The following CARMIL1 variants were observed in gnomAD, a reference collection of about 807,000 sequenced individuals.
The protein encoded by CARMIL1 is F-actin-uncapping protein LRRC16A.
Under a neutral mutation model 177.1 loss-of-function variants are expected in CARMIL1, and 90 were observed. That is an observed-to-expected ratio of 0.51 (90% CI 0.43 to 0.61). The LOEUF is 0.61. Among genes scored for constraint, CARMIL1 ranks in the 20% least tolerant of loss-of-function variants. The pLI is 0.00. For missense variants in CARMIL1, 1,380 were observed against 1,667.0 expected, an observed-to-expected ratio of 0.83 and a Z score of 3.00; for synonymous variants, 577 against 606.2, an observed-to-expected ratio of 0.95 and a Z score of 0.71.
At chr6:25,580,884 GCTAC>G (rs934306211) in intron 29 of CARMIL1, 36 bp from the exon 30 acceptor site, 2 of 1,464,274 alleles carry the variant, frequency 1.4e-6, no homozygotes, top group Non-Finnish European at 1.9e-6. Flanking sequence ...GTTTTCTGTG[GCTAC>G]CTAAGTGTTT....
chr6:25,597,005 G>C lies in CARMIL1; in HGVS notation c.3119+2478G>C, dbSNP rs953205329. 2.0e-5 allele frequency among the ~76,000 whole-genome samples: 3 copies of C among 152,092 alleles called. No homozygotes were observed. In the South Asian group the frequency reaches 6.2e-4, roughly 32 times the overall value. ...ACTTATGAGTGGGTAATTTATAAAG[G>C]AAAGAGGTTTATTTAGCTCATGGTT... On this transcript the variant is annotated intron_variant, in intron 32 of 36. Coordinates refer to ENST00000329474, the MANE Select transcript of CARMIL1 (RefSeq NM_017640.6).
intron 5 of CARMIL1, among the ~76,000 whole-genome samples, chr6:25,446,741 C>T (rs1022997482): frequency 2.6e-5 from 4 of 152,150 alleles, no homozygotes; most frequent in African/African-American, 7.2e-5. Flanking sequence ...TTCCATGTGC[C>T]TTTCTCACTA....
chr6:25,378,018 C>T (rs1481600186), intron 2 of CARMIL1, among the ~76,000 whole-genome samples: 1 of 152,146 alleles, frequency 6.6e-6, no homozygotes, highest in Non-Finnish European at 1.5e-5. Context: ...CAGGTGAGGG[C>T]TGGGTCAGGC....
At chr6:25,345,774 G>A (rs1437003732) in intron 2 of CARMIL1, among the ~76,000 whole-genome samples, 2 of 150,648 alleles carry the variant, frequency 1.3e-5, no homozygotes, top group African/African-American at 2.5e-5. Flanking sequence ...CTGCCACCAC[G>A]CCCAACTAAT....
intron 2 of CARMIL1, among the ~76,000 whole-genome samples, chr6:25,313,808 C>G (rs905590401): frequency 6.6e-6 from 1 of 151,650 alleles, no homozygotes; most frequent in African/African-American, 2.4e-5. Context: ...CATTCCCTCT[C>G]TGATGTCTTG....
intron 26 of CARMIL1, among the ~76,000 whole-genome samples, chr6:25,545,327 T>A (rs774601586): frequency 1.3e-5 from 2 of 152,076 alleles, no homozygotes; most frequent in Non-Finnish European, 2.9e-5. Context: ...ATAGAAGAGG[T>A]ATCACCAGAG....
chr6:25,352,693 T>G (rs2150363407), intron 2 of CARMIL1, among the ~76,000 whole-genome samples: 1 of 152,328 alleles, frequency 6.6e-6, no homozygotes, highest in Admixed American at 6.5e-5. Context: ...TCATGTCTCT[T>G]GTACTAAATA....
At chr6:25,506,584 A>G (rs973999828) in intron 17 of CARMIL1, among the ~76,000 whole-genome samples, 9 of 152,156 alleles carry the variant, frequency 5.9e-5, no homozygotes, top group Non-Finnish European at 1.2e-4. Context: ...AGCTGTGTTT[A>G]TATACATCCT....
In CARMIL1 at chr6:25,326,365, G is replaced by A. The variant is rs1354752516; in HGVS notation, c.138+41456G>A. 6.6e-6 allele frequency among the ~76,000 whole-genome samples: 1 copy of A among 152,122 alleles called. No homozygotes were observed. The highest frequency in any genetic ancestry group is 1.5e-5 in the Non-Finnish European group (1 of 68,030). On this transcript the variant is annotated intron_variant, in intron 2 of 36. Coordinates refer to ENST00000329474, the MANE Select transcript of CARMIL1 (RefSeq NM_017640.6). The surrounding 1 kb of genome is among the most constrained non-coding windows in gnomAD (Gnocchi z 4.2). ...ATCGGGATATCCAAGAAGTCATGCTGGATTACATATACTGGTCAGTAAGGA... is the reference window on the plus strand; with the variant it reads ...ATCGGGATATCCAAGAAGTCATGCTAGATTACATATACTGGTCAGTAAGGA...
chr6:25,463,854 G>A (rs866759217), intron 8 of CARMIL1, among the ~76,000 whole-genome samples: 2 of 120,392 alleles, frequency 1.7e-5, no homozygotes, highest in African/African-American at 3.2e-5. Context: ...ACGGAGTCTC[G>A]CTCTGTCGCC....
Position 25,515,601 on chromosome 6 carries a change from C to A in CARMIL1, c.1633-74C>A. 7.1e-7 allele frequency: 1 copy of A among 1,407,372 alleles called. No homozygotes were observed. Among genetic ancestry groups the A allele is most frequent in the Non-Finnish European group, 9.6e-7 (1 of 1,039,430 alleles). The allele number at this position is 1,407,372 out of a possible 1,614,324, so 87.2% of individuals were successfully genotyped here. A position where few individuals can be genotyped will look rare whatever the true frequency, so the allele number is the denominator to read the frequency against. ...CAGTAGGTCCATCCCCTCTCATTCTCCACGAAATGCGTCGTGGAGAGTGGG... is the reference window on the plus strand; with the variant it reads ...CAGTAGGTCCATCCCCTCTCATTCTACACGAAATGCGTCGTGGAGAGTGGG... On this transcript the variant is annotated intron_variant, in intron 20 of 36. Coordinates refer to ENST00000329474, the MANE Select transcript of CARMIL1 (RefSeq NM_017640.6). This position sits in a 1 kb window ranked among gnomAD's most constrained non-coding sequence, Gnocchi z 5.0.
intron 2 of CARMIL1, among the ~76,000 whole-genome samples, chr6:25,295,328 C>T (rs1295516966): frequency 1.3e-5 from 2 of 152,110 alleles, no homozygotes; most frequent in Non-Finnish European, 2.9e-5. Context: ...GCATGATACT[C>T]CATTTACCCA....
At chr6:25,503,284 A>T (rs1453177939) in intron 17 of CARMIL1, among the ~76,000 whole-genome samples, 2 of 152,228 alleles carry the variant, frequency 1.3e-5, no homozygotes, top group Non-Finnish European at 2.9e-5. Flanking sequence ...GAATCACAGT[A>T]CTGGTGACCA....
intron 2 of CARMIL1, among the ~76,000 whole-genome samples, chr6:25,336,556 A>G (rs1786260885): frequency 6.6e-6 from 1 of 152,162 alleles, no homozygotes. Context: ...AATAGTATTT[A>G]AGGTTGTTTT....
At chr6:25,537,455 C>A (rs923109719) in intron 24 of CARMIL1, among the ~76,000 whole-genome samples, 2 of 152,176 alleles carry the variant, frequency 1.3e-5, no homozygotes, top group Non-Finnish European at 2.9e-5. Context: ...TCTGTTTCCT[C>A]AGTACCTAAC....
intron 2 of CARMIL1, among the ~76,000 whole-genome samples, chr6:25,286,939 G>A (rs1423708600): frequency 6.6e-6 from 1 of 152,196 alleles, no homozygotes; most frequent in African/African-American, 2.4e-5. Flanking sequence ...AATTAAAAAT[G>A]TATTTGAGTT....
chr6:25,390,384 C>G lies in CARMIL1; in HGVS notation c.139-29730C>G, dbSNP rs577466004. ...TCACCCAGGTTGGAGTACAGCAGCA[C>G]AGTCTTGGCTCATTGCAACCTCTGC... is the stretch of plus-strand genomic sequence containing the variant. On this transcript the variant is annotated intron_variant, in intron 2 of 36. Coordinates refer to ENST00000329474, the MANE Select transcript of CARMIL1 (RefSeq NM_017640.6). 1.4e-3 allele frequency among the ~76,000 whole-genome samples: 197 copies of G among 140,448 alleles called. 1 individual carries two copies. Among genetic ancestry groups the G allele is most frequent in the African/African-American group, 5.1e-3 (191 of 37,686 alleles). The allele number at this position is 140,448 out of a possible 152,430, so 92.1% of individuals were successfully genotyped here. A position where few individuals can be genotyped will look rare whatever the true frequency, so the allele number is the denominator to read the frequency against.
chr6:25,291,785 G>A (rs939494908), intron 2 of CARMIL1, among the ~76,000 whole-genome samples: 1 of 152,192 alleles, frequency 6.6e-6, no homozygotes, highest in Non-Finnish European at 1.5e-5. Context: ...ATTAGAAATA[G>A]TAGGGGAGAT....
At chr6:25,451,986 G>GCCTCCCCCCC in intron 8 of CARMIL1, 1 of 112,672 alleles carries the variant, frequency 8.9e-6, no homozygotes, top group Non-Finnish European at 1.7e-5. Context: ...CTAGCATCTT[G>GCCTCCCCCCC]CCCCCCCCTC....
Sources: allele counts gnomAD v4.1 joint callset (sites outside exome capture counted in the v4.1 genomes callset), GRCh38; gene constraint gnomAD v4.1.1; non-coding constraint Gnocchi (gnomAD v3.1); transcripts MANE v1.5; gene names NCBI Gene and HGNC (gene_info 2026-07-23, HGNC 2026-07-21).